NRG1: variants seen among roughly 807,000 people sequenced by gnomAD.
NRG1 encodes neuregulin 1.
A neutral mutation model predicts 63.8 loss-of-function variants in NRG1; 18 were observed. That is an observed-to-expected ratio of 0.28 (90% CI 0.19 to 0.42). The LOEUF (loss-of-function observed/expected upper bound fraction) is 0.42. NRG1 is among the 10% of genes least tolerant of loss of function. NRG1 has a pLI of 1.00. For missense variants in NRG1, 762 were observed against 814.7 expected, an observed-to-expected ratio of 0.94 and a Z score of 0.79; for synonymous variants, 302 against 301.3, an observed-to-expected ratio of 1.00 and a Z score of -0.02.
intron 5 of NRG1, among the ~76,000 whole-genome samples, chr8:32,636,826 T>C (rs1851425560): frequency 6.6e-6 from 1 of 152,168 alleles, no homozygotes; most frequent in African/African-American, 2.4e-5. Flanking sequence ...CTTTTACCCT[T>C]GATATAATTT....
intron 1 of NRG1, among the ~76,000 whole-genome samples, chr8:31,878,077 A>G (rs1294437245): frequency 1.3e-5 from 2 of 152,210 alleles, no homozygotes; most frequent in African/African-American, 2.4e-5. Flanking sequence ...TCTAAAGACA[A>G]TAGTGTTTGT....
chr8:32,313,568 C>A (rs141291109), intron 1 of NRG1, among the ~76,000 whole-genome samples: 1 of 152,318 alleles, frequency 6.6e-6, no homozygotes, highest in East Asian at 1.9e-4. Context: ...TGGGCCTTGT[C>A]TGACAATAAA....
chr8:31,768,945 A>G (rs1165272000), intron 1 of NRG1, among the ~76,000 whole-genome samples: 1 of 152,178 alleles, frequency 6.6e-6, no homozygotes, highest in Non-Finnish European at 1.5e-5. Context: ...TCAGTGTCTA[A>G]CCATGGAGTA....
chr8:32,421,098 C>T (rs1324967530), intron 1 of NRG1, among the ~76,000 whole-genome samples: 2 of 152,190 alleles, frequency 1.3e-5, no homozygotes, highest in Admixed American at 6.5e-5. Flanking sequence ...ATTACCCAGT[C>T]TCAGGTATTT....
intron 1 of NRG1, among the ~76,000 whole-genome samples, chr8:32,361,901 T>G (rs1428680715): frequency 6.6e-6 from 1 of 152,144 alleles, no homozygotes; most frequent in African/African-American, 2.4e-5. Flanking sequence ...CTTCACCCAG[T>G]CCTTCCCCAT....
intron 11 of NRG1, among the ~76,000 whole-genome samples, chr8:32,761,858 G>A (rs1374581728): frequency 2.0e-5 from 3 of 151,742 alleles, no homozygotes; most frequent in African/African-American, 7.3e-5. Flanking sequence ...GGCCAACATG[G>A]TGAAACCCCA....
chr8:32,066,468 T>C (rs1586852040), intron 1 of NRG1, among the ~76,000 whole-genome samples: 1 of 152,222 alleles, frequency 6.6e-6, no homozygotes, highest in East Asian at 1.9e-4. Context: ...TTCTTGTTTT[T>C]CTCAGGTTTG....
At chr8:32,597,723 C>T (rs1272410999) in intron 2 of NRG1, among the ~76,000 whole-genome samples, 1 of 151,910 alleles carries the variant, frequency 6.6e-6, no homozygotes, top group African/African-American at 2.4e-5. Context: ...CATTGTTATA[C>T]CCATTAAAAA....
intron 1 of NRG1, among the ~76,000 whole-genome samples, chr8:31,732,029 G>C (rs1392980600): frequency 6.6e-6 from 1 of 152,052 alleles, no homozygotes; most frequent in Non-Finnish European, 1.5e-5. Context: ...TTTCCTCTCA[G>C]CACAGATACC....
intron 1 of NRG1, among the ~76,000 whole-genome samples, chr8:31,679,393 G>C (rs1289504154): frequency 6.6e-6 from 1 of 152,038 alleles, no homozygotes. Flanking sequence ...CCAAAAACAA[G>C]GATTTTCATC....
At chr8:32,451,829 C>T (rs1341673046) in intron 1 of NRG1, among the ~76,000 whole-genome samples, 2 of 152,088 alleles carry the variant, frequency 1.3e-5, no homozygotes, top group African/African-American at 4.8e-5. Context: ...ATCAAACTCA[C>T]TTCCTTCTTT....
intron 1 of NRG1, among the ~76,000 whole-genome samples, chr8:32,110,156 A>G (rs1319261431): frequency 6.6e-6 from 1 of 152,210 alleles, no homozygotes; most frequent in Non-Finnish European, 1.5e-5. Flanking sequence ...TTAAGAGTGT[A>G]TTTATCTAAG....
intron 1 of NRG1, among the ~76,000 whole-genome samples, chr8:32,498,101 G>A (rs1827431631): frequency 1.3e-5 from 2 of 152,146 alleles, no homozygotes; most frequent in Admixed American, 1.3e-4. Flanking sequence ...GGGATTACAG[G>A]TGTGAGCCAC....
chr8:32,258,431 C>A (rs913936753), intron 1 of NRG1, among the ~76,000 whole-genome samples: 3 of 152,172 alleles, frequency 2.0e-5, no homozygotes, highest in Non-Finnish European at 4.4e-5. Context: ...ATCCCCATTG[C>A]ACAGACAAGA....
chr8:31,977,335 C>T (rs1808356468), intron 1 of NRG1, among the ~76,000 whole-genome samples: 1 of 152,064 alleles, frequency 6.6e-6, no homozygotes, highest in Admixed American at 6.6e-5. Context: ...GAATGATTCC[C>T]CTAATGTTGG....
intron 1 of NRG1, among the ~76,000 whole-genome samples, chr8:32,070,570 T>C (rs1563751324): frequency 6.6e-6 from 1 of 152,192 alleles, no homozygotes; most frequent in Non-Finnish European, 1.5e-5. Flanking sequence ...TTTTGATTTA[T>C]TTTCCTTTTC....
rs201093827 is a variant in NRG1, at chr8:31,670,142, C to A, written c.37+30711C>A. ...TTATTTTCCTACCACCTTCCCCCAG[C>A]CAGCTTTCATCTTTTTCTCTCAAAG... On this transcript the variant is annotated intron_variant, in intron 1 of 10. Coordinates refer to the NRG1 transcript ENST00000519301. Among the ~76,000 whole-genome samples the A allele has an allele frequency of 5.9e-5, 9 of 152,294 alleles. No homozygotes were observed. The East Asian group carries it at 1.7e-3, about 29-fold the overall frequency.
At chr8:32,408,319 C>T (rs1333823411) in intron 1 of NRG1, among the ~76,000 whole-genome samples, 1 of 152,150 alleles carries the variant, frequency 6.6e-6, no homozygotes, top group Non-Finnish European at 1.5e-5. Flanking sequence ...CCCTCAGGCT[C>T]AGTGGTCAGG....
chr8:32,703,520 G>A (rs1369441655), intron 5 of NRG1, among the ~76,000 whole-genome samples: 5 of 148,426 alleles, frequency 3.4e-5, no homozygotes, highest in Non-Finnish European at 5.9e-5. Flanking sequence ...GTGACAGAGC[G>A]AGACCCTGTC....
Sources: allele counts gnomAD v4.1 joint callset (sites outside exome capture counted in the v4.1 genomes callset), GRCh38; gene constraint gnomAD v4.1.1; transcripts MANE v1.5; gene names NCBI Gene and HGNC (gene_info 2026-07-23, HGNC 2026-07-21).